SCML2: variants seen among roughly 807,000 people sequenced by gnomAD.
The protein encoded by SCML2 is sex comb on midleg-like protein 2.
Under a neutral mutation model 48.4 loss-of-function variants are expected in SCML2, and 6 were observed. The observed-to-expected ratio is 0.12, with a 90% CI of 0.07 to 0.24. The LOEUF is 0.24. Among genes scored for constraint, SCML2 ranks in the 10% least tolerant of loss-of-function variants. The pLI, the probability that SCML2 is intolerant of heterozygous loss-of-function variation, is 1.00. For missense variants in SCML2, 377 were observed against 528.2 expected (o/e 0.71, Z 2.81); for synonymous variants, 181 against 189.5 (o/e 0.95, Z 0.37).
rs2044025523 is a variant in SCML2 at position 18,291,286 on chromosome X, C to T, written c.730+13686G>A. Reference sequence around the variant, plus strand: ...GCTTTGAAAGATTGTAGGGTCATAACAAGAGCTAAGAAAAGAAAACTTAAA... The same window carrying T: ...GCTTTGAAAGATTGTAGGGTCATAATAAGAGCTAAGAAAAGAAAACTTAAA... On this transcript the variant is annotated intron_variant, in intron 7 of 14. Coordinates refer to ENST00000251900, the MANE Select transcript of SCML2 (RefSeq NM_006089.3). Among the ~76,000 whole-genome samples, 3 of 111,243 alleles carry T rather than the reference C, an allele frequency of 2.7e-5. No individual in the cohort carries two copies. In the South Asian group the frequency reaches 1.1e-3, roughly 42 times the overall value.
chrX:18,306,816 T>C (rs1257468305), intron 6 of SCML2, among the ~76,000 whole-genome samples: 1 of 111,073 alleles, frequency 9.0e-6, no homozygotes, highest in South Asian at 3.9e-4. Context: ...AAAGTCCTTT[T>C]AATTACATAT....
At chrX:18,248,027 GAAT>G (rs201779471) in intron 11 of SCML2, 145 bp from the exon 12 acceptor site, 8,628 of 430,846 alleles carry the variant, frequency 0.02, 81 homozygotes, top group Non-Finnish European at 0.027. Flanking sequence ...TGATGTTCAT[GAAT>G]AACATGTGTC....
intron 11 of SCML2, 75 bp downstream of exon 11, chrX:18,256,770 TGAG>T (rs1428258548): frequency 3.7e-6 from 3 of 821,620 alleles, no homozygotes; most frequent in African/African-American, 4.2e-5. Context: ...ATGTTTACTT[TGAG>T]GAGAACACAA....
At chrX:18,263,355 T>A (rs975790918) in intron 8 of SCML2, among the ~76,000 whole-genome samples, 1 of 111,841 alleles carries the variant, frequency 8.9e-6, no homozygotes, top group Admixed American at 9.5e-5. Flanking sequence ...TAGTTATAAA[T>A]AGTCATGTTA....
intron 1 of SCML2, among the ~76,000 whole-genome samples, chrX:18,353,033 A>C (rs1292673899): frequency 7.2e-5 from 8 of 110,523 alleles, no homozygotes; most frequent in Non-Finnish European, 1.3e-4. Context: ...GATAAAGCTA[A>C]ACACAAGGCA....
chrX:18,263,877 G>T lies in SCML2; in HGVS notation c.948+1708C>A, dbSNP rs1176209075. 3.7e-5 allele frequency among the ~76,000 whole-genome samples: 4 copies of T among 107,457 alleles called. No individual in the cohort carries two copies. In the East Asian group the frequency reaches 1.2e-3, roughly 31 times the overall value. The allele number at this position is 107,457 out of a possible 115,157, so 93.3% of individuals were successfully genotyped here. The stretch of plus-strand genomic sequence containing the variant: ...GTTCTACTCTCTTCTGGCCTCCATG[G>T]CTTTTGATGAGAAATGTCAGCTGTT... On this transcript the variant is annotated intron_variant, in intron 8 of 14. Transcript: ENST00000251900.
chrX:18,316,924 C>T (rs1165960440), intron 6 of SCML2, among the ~76,000 whole-genome samples: 1 of 112,163 alleles, frequency 8.9e-6, no homozygotes, highest in Non-Finnish European at 1.9e-5. Flanking sequence ...TGAATCATCC[C>T]GAAACCACCC....
At chrX:18,298,625 G>C (rs746749046) in intron 7 of SCML2, among the ~76,000 whole-genome samples, 38 of 111,664 alleles carry the variant, frequency 3.4e-4, no homozygotes, top group African/African-American at 1.2e-3. Flanking sequence ...GGGAGGCCAA[G>C]GCAGGCAGAT....
intron 1 of SCML2, among the ~76,000 whole-genome samples, chrX:18,340,363 C>T (rs1409196826): frequency 8.9e-6 from 1 of 112,249 alleles, no homozygotes. Flanking sequence ...AAGCTGAGAT[C>T]ACACCACTGC....
intron 7 of SCML2, among the ~76,000 whole-genome samples, chrX:18,275,413 C>A (rs1439331201): frequency 8.9e-6 from 1 of 112,611 alleles, no homozygotes; most frequent in African/African-American, 3.2e-5. Flanking sequence ...ACTACCAGCT[C>A]TGTAAAATTC....
chrX:18,254,014 AGT>A (rs2074349946), intron 11 of SCML2, among the ~76,000 whole-genome samples: 1 of 111,786 alleles, frequency 8.9e-6, no homozygotes, highest in South Asian at 3.8e-4. Context: ...GAGGGGTAGT[AGT>A]GGATTAAAGG....
At chrX:18,256,061 T>G (rs1476898598) in intron 11 of SCML2, among the ~76,000 whole-genome samples, 1 of 112,052 alleles carries the variant, frequency 8.9e-6, no homozygotes, top group African/African-American at 3.2e-5. Flanking sequence ...AACCCACTTT[T>G]GGTTCTACAG....
Position 18,256,894 on chromosome X carries a change from G to C in SCML2, c.1410C>G (p.Ser470=), listed in dbSNP as rs753246472. Residue 470 remains serine, a synonymous_variant, in exon 11 of 15, where the codon TCC becomes TCG. Transcript: ENST00000251900. ...NLLSSQPFSS[S]RGHTHSSAEH... Reference sequence around the variant, plus strand: ...CTGCAGAGCTGTGAGTATGACCCCTGGAAGAACTAAAAGGCTGGCTACTCA... The same window carrying C: ...CTGCAGAGCTGTGAGTATGACCCCTCGAAGAACTAAAAGGCTGGCTACTCA... The C allele has an allele frequency of 8.3e-7, 1 of 1,206,218 alleles. No homozygotes were observed. Among genetic ancestry groups the C allele is most frequent in the South Asian group, 1.8e-5 (1 of 55,626 alleles).
chrX:18,348,510 C>T (rs1042489948), intron 1 of SCML2, among the ~76,000 whole-genome samples: 54 of 111,800 alleles, frequency 4.8e-4, no homozygotes, highest in African/African-American at 1.7e-3. Flanking sequence ...ATTTCTACAA[C>T]TTCTCAAATT....
intron 11 of SCML2, among the ~76,000 whole-genome samples, chrX:18,256,381 G>A (rs1349463246): frequency 4.5e-5 from 5 of 111,525 alleles, no homozygotes; most frequent in Non-Finnish European, 3.8e-5. Flanking sequence ...GAATCTGGGA[G>A]GCGGAGGTTG....
chrX:18,286,966 C>T (rs1928075906), intron 7 of SCML2, among the ~76,000 whole-genome samples: 1 of 109,877 alleles, frequency 9.1e-6, no homozygotes, highest in South Asian at 4.0e-4. Flanking sequence ...CTATTTGAAC[C>T]AGAGGGTTCT....
intron 11 of SCML2, 37 bp from the exon 12 acceptor site, chrX:18,247,919 A>G: frequency 1.0e-6 from 1 of 977,575 alleles, no homozygotes; most frequent in Non-Finnish European, 1.5e-6. Context: ...TGTTATAACG[A>G]ACTAATATAC....
chrX:18,255,013 TAC>T (rs1239341599), intron 11 of SCML2, among the ~76,000 whole-genome samples: 2 of 111,101 alleles, frequency 1.8e-5, no homozygotes, highest in African/African-American at 6.6e-5. Flanking sequence ...AACCTATCAA[TAC>T]ACAGACACCC....
chrX:18,259,904 G>A (rs948039297), intron 9 of SCML2, among the ~76,000 whole-genome samples: 1 of 111,797 alleles, frequency 8.9e-6, no homozygotes, highest in African/African-American at 3.2e-5. Flanking sequence ...ATTGGACAAT[G>A]TAAATTGCAT....
Sources: gnomAD v4.1 joint callset for allele counts (sites outside exome capture counted in the v4.1 genomes callset) on GRCh38, gnomAD v4.1.1 for gene constraint, MANE v1.5 for transcripts, NCBI Gene and HGNC (gene_info 2026-07-23, HGNC 2026-07-21) for gene names.